Variants in BABAM2 observed in about 807,000 individuals in gnomAD.
The protein encoded by BABAM2 is BRISC and BRCA1-A complex member 2.
Under a neutral mutation model 54.7 loss-of-function variants are expected in BABAM2, and 31 were observed. The observed-to-expected ratio is 0.57, with a 90% CI of 0.43 to 0.77. The LOEUF is 0.77. Ranked by LOEUF, BABAM2 falls within the 30% of genes least tolerant of loss-of-function variation. BABAM2 has a pLI of 0.00. For missense variants in BABAM2, 364 were observed against 455.8 expected, an observed-to-expected ratio of 0.80 and a Z score of 1.83; for synonymous variants, 167 against 162.9, an observed-to-expected ratio of 1.03 and a Z score of -0.19.
At chr2:28,010,422 G>T (rs993163612) in intron 4 of BABAM2, among the ~76,000 whole-genome samples, 14 of 152,002 alleles carry the variant, frequency 9.2e-5, no homozygotes, top group African/African-American at 3.4e-4. Flanking sequence ...GCAGATAAAT[G>T]TAGGAAGCTA....
chr2:28,049,401 T>C (rs1026867550), intron 6 of BABAM2, among the ~76,000 whole-genome samples: 2 of 152,206 alleles, frequency 1.3e-5, no homozygotes, highest in African/African-American at 4.8e-5. Context: ...GGCTAAATTG[T>C]TGGAGTATCT....
At chr2:28,154,771 A>G (rs1672390260) in intron 7 of BABAM2, among the ~76,000 whole-genome samples, 1 of 152,206 alleles carries the variant, frequency 6.6e-6, no homozygotes, top group South Asian at 2.1e-4. Flanking sequence ...GAGAATAGAA[A>G]AGGTTAAATA....
intron 10 of BABAM2, among the ~76,000 whole-genome samples, chr2:28,246,136 T>C (rs1377297206): frequency 6.6e-6 from 1 of 152,136 alleles, no homozygotes; most frequent in Non-Finnish European, 1.5e-5. Flanking sequence ...CTTGTCACCA[T>C]CATAACCTAC....
chr2:28,104,328 AC>A (rs1489830836), intron 6 of BABAM2, among the ~76,000 whole-genome samples: 1 of 152,226 alleles, frequency 6.6e-6, no homozygotes, highest in African/African-American at 2.4e-5. Context: ...TCTACAAAGA[AC>A]TCAAATTTAC....
intron 7 of BABAM2, among the ~76,000 whole-genome samples, chr2:28,147,980 C>T (rs1266065508): frequency 6.6e-6 from 1 of 152,164 alleles, no homozygotes; most frequent in East Asian, 1.9e-4. Context: ...ATCACTCCAA[C>T]TGAAAAGGAA....
At chr2:28,155,428 T>C (rs531449414) in intron 7 of BABAM2, among the ~76,000 whole-genome samples, 2 of 152,154 alleles carry the variant, frequency 1.3e-5, no homozygotes, top group Admixed American at 1.3e-4. Context: ...AATTGATCGA[T>C]AGAGAGGGGT....
intron 4 of BABAM2, chr2:28,016,444 T>C: frequency 7.3e-7 from 1 of 1,367,774 alleles, no homozygotes; most frequent in Non-Finnish European, 1.0e-6. Flanking sequence ...CCATTGCTGT[T>C]GGGTTCATAT....
chr2:28,023,310 C>T (rs953721273), intron 4 of BABAM2, among the ~76,000 whole-genome samples: 1 of 152,052 alleles, frequency 6.6e-6, no homozygotes, highest in Non-Finnish European at 1.5e-5. Context: ...TTTCTTTTTG[C>T]TCTAGTAGGG....
At chr2:27,907,836 C>CTTGAA (rs1215020912) in intron 2 of BABAM2, among the ~76,000 whole-genome samples, 1 of 152,112 alleles carries the variant, frequency 6.6e-6, no homozygotes, top group Non-Finnish European at 1.5e-5. Flanking sequence ...AAGGTTCATC[C>CTTGAA]GTGTTGTAGT....
At chr2:27,941,582 G>A (rs1425746159) in intron 3 of BABAM2, among the ~76,000 whole-genome samples, 1 of 151,794 alleles carries the variant, frequency 6.6e-6, no homozygotes, top group African/African-American at 2.4e-5. Context: ...CAATATAGTT[G>A]TTTATCATCT....
intron 7 of BABAM2, among the ~76,000 whole-genome samples, chr2:28,143,809 G>A (rs995718849): frequency 9.2e-5 from 14 of 152,140 alleles, no homozygotes; most frequent in Admixed American, 7.2e-4. Flanking sequence ...TATGAGGTTC[G>A]TTGCCACTGT....
intron 7 of BABAM2, among the ~76,000 whole-genome samples, chr2:28,170,551 A>G (rs1340668770): frequency 6.6e-6 from 1 of 152,094 alleles, no homozygotes; most frequent in African/African-American, 2.4e-5. Flanking sequence ...ACTGAAAATA[A>G]AGAAAAATTA....
At chr2:28,244,979 A>G (rs188256437) in intron 10 of BABAM2, 117 bp downstream of exon 10, 47 of 717,500 alleles carry the variant, frequency 6.6e-5, no homozygotes, top group Non-Finnish European at 3.5e-5. Flanking sequence ...ACTGTAGCGT[A>G]TATATATATT....
At chr2:28,002,805 A>G (rs1673670462) in intron 4 of BABAM2, among the ~76,000 whole-genome samples, 1 of 152,202 alleles carries the variant, frequency 6.6e-6, no homozygotes, top group Non-Finnish European at 1.5e-5. Flanking sequence ...ATACCTAGCA[A>G]AAAGATGATT....
chr2:27,928,915 T>TA (rs1008932898), intron 2 of BABAM2, among the ~76,000 whole-genome samples: 139 of 141,144 alleles, frequency 9.8e-4, no homozygotes, highest in Non-Finnish European at 9.7e-4. Context: ...AATAATAGAT[T>TA]AAAAAAAAAA....
chr2:28,098,327 C>T (rs1666791862), intron 6 of BABAM2, among the ~76,000 whole-genome samples: 1 of 152,152 alleles, frequency 6.6e-6, no homozygotes, highest in Non-Finnish European at 1.5e-5. Flanking sequence ...GTCTTTTCTA[C>T]TGTGTTTTCT....
chr2:28,007,970 C>A (rs1434697928), intron 4 of BABAM2, among the ~76,000 whole-genome samples: 1 of 152,034 alleles, frequency 6.6e-6, no homozygotes, highest in Admixed American at 6.6e-5. Context: ...CTTTAATATA[C>A]CTAATTTTGT....
intron 7 of BABAM2, among the ~76,000 whole-genome samples, chr2:28,149,310 C>T: frequency 6.6e-6 from 1 of 152,300 alleles, no homozygotes; most frequent in East Asian, 1.9e-4. Flanking sequence ...TTGGAACCTT[C>T]ACCTGGTGTC....
rs932066115 is a variant in BABAM2, at chr2:27,959,683, A to G, written c.206-28310A>G. Among the ~76,000 whole-genome samples, 7 of 151,968 alleles carry G rather than the reference A, an allele frequency of 4.6e-5. No individual in the cohort carries two copies. The East Asian group carries it at 1.4e-3, about 29-fold the overall frequency. On this transcript the variant is annotated intron_variant, in intron 3 of 11. Transcript: ENST00000379624. ...AACTCGCTGTCACAGACACTGCTTG[A>G]TTTCCTTCTGTCTGACTTGCGTAAT...
Sources: allele counts gnomAD v4.1 joint callset (sites outside exome capture counted in the v4.1 genomes callset), GRCh38; gene constraint gnomAD v4.1.1; transcripts MANE v1.5; gene names NCBI Gene and HGNC (gene_info 2026-07-23, HGNC 2026-07-21).